BLTP2: variants seen among roughly 807,000 people sequenced by gnomAD.
BLTP2 encodes the protein U937-associated antigen.
the BLTP2 span, chr17:28,633,197 T>C: frequency 1.9e-5 from 30 of 1,595,952 alleles, no homozygotes; most frequent in Non-Finnish European, 2.5e-5. Context: ...CTCAGTGCCC[T>C]GGTCACTCAC....
At chr17:28,638,394 T>C in the BLTP2 span, 1 of 1,614,142 alleles carries the variant, frequency 6.2e-7, no homozygotes, top group South Asian at 1.1e-5. Context: ...ATGGATGCTT[T>C]GTGGCCTGAG....
chr17:28,616,860 C>G, the BLTP2 span: 1 of 1,603,648 alleles, frequency 6.2e-7, no homozygotes, highest in Non-Finnish European at 8.5e-7. This position sits in a 1 kb window ranked among gnomAD's most constrained non-coding sequence, Gnocchi z 4.8. Flanking sequence ...GTCCCTTGTT[C>G]CCAGGTCCCT....
the BLTP2 span, among the ~76,000 whole-genome samples, chr17:28,618,147 G>A: frequency 6.6e-6 from 1 of 152,076 alleles, no homozygotes; most frequent in South Asian, 2.1e-4. Context: ...TAGCCAGGCT[G>A]GTCTTCAGCT....
At chr17:28,635,344 T>C in the BLTP2 span, 8 of 1,614,106 alleles carry the variant, frequency 5.0e-6, no homozygotes, top group Admixed American at 1.7e-5. Context: ...GGTAATGAAC[T>C]TGTCCTCAGC....
the BLTP2 span, chr17:28,635,437 CCTT>C: frequency 7.4e-6 from 12 of 1,613,998 alleles, no homozygotes; most frequent in Non-Finnish European, 9.3e-6. Context: ...AGGGGCACGG[CCTT>C]CTAGCTCAGA....
chr17:28,636,833 G>GT, the BLTP2 span: 1 of 738,204 alleles, frequency 1.4e-6, no homozygotes, highest in Non-Finnish European at 2.2e-6. Context: ...GAGCCCAGTA[G>GT]TTTAAGACCA....
At chr17:28,635,301 A>T in the BLTP2 span, 2 of 1,614,184 alleles carry the variant, frequency 1.2e-6, no homozygotes, top group South Asian at 2.2e-5. Flanking sequence ...GGGAACCTCC[A>T]TGCCGGCTCA....
chr17:28,626,411 G>A, the BLTP2 span, among the ~76,000 whole-genome samples: 1 of 152,090 alleles, frequency 6.6e-6, no homozygotes, highest in African/African-American at 2.4e-5. Flanking sequence ...CTGCTTCCTG[G>A]CATATAAAAT....
chr17:28,614,588 G>A, the BLTP2 span: 1 of 163,482 alleles, frequency 6.1e-6, no homozygotes, highest in East Asian at 1.8e-4. Context: ...AGAGACTGGG[G>A]AGGGGTTGAC....
the BLTP2 span, chr17:28,642,094 G>A: frequency 6.0e-5 from 97 of 1,609,832 alleles, no homozygotes; most frequent in Non-Finnish European, 8.2e-5. Flanking sequence ...GGGATGATAA[G>A]CCTCTAAGGT....
chr17:28,638,170 T>C, the BLTP2 span: 12 of 1,596,754 alleles, frequency 7.5e-6, no homozygotes, highest in Non-Finnish European at 9.4e-6. Context: ...CACTTCCTGC[T>C]GCATTAGGAT....
At chr17:28,639,389 G>T in the BLTP2 span, 1 of 1,613,856 alleles carries the variant, frequency 6.2e-7, no homozygotes, top group Non-Finnish European at 8.5e-7. Context: ...GCCAGTGAGA[G>T]AATTCCTGGT....
chr17:28,640,691 T>C, the BLTP2 span: 2 of 1,613,556 alleles, frequency 1.2e-6, no homozygotes, highest in Non-Finnish European at 1.7e-6. Flanking sequence ...CCTCTGAAAA[T>C]ATGAATGAAT....
the BLTP2 span, among the ~76,000 whole-genome samples, chr17:28,640,929 C>T: frequency 1.1e-3 from 169 of 152,302 alleles, no homozygotes; most frequent in Non-Finnish European, 2.0e-3. Flanking sequence ...GACCTTAGGG[C>T]CAAATAATTT....
At chr17:28,617,486 TG>T in the BLTP2 span, 1 of 561,946 alleles carries the variant, frequency 1.8e-6, no homozygotes, top group Non-Finnish European at 3.2e-6. Context: ...GTGTGTCTCA[TG>T]GGCACTATTG....
chr17:28,637,682 A>AT, the BLTP2 span, among the ~76,000 whole-genome samples: 2 of 152,088 alleles, frequency 1.3e-5, no homozygotes, highest in African/African-American at 4.8e-5. Flanking sequence ...ATTTTATTTT[A>AT]TTTTTTGGAG....
At chr17:28,639,811 G>C in the BLTP2 span, 8 of 1,526,496 alleles carry the variant, frequency 5.2e-6, no homozygotes, top group Non-Finnish European at 7.3e-6. Context: ...GTTACACTGA[G>C]ATTAGATTAA....
chr17:28,632,306 C>A, the BLTP2 span: 2 of 1,425,642 alleles, frequency 1.4e-6, no homozygotes, highest in South Asian at 1.3e-5. Context: ...AAATCCTTCC[C>A]TTGCTGCAGG....
the BLTP2 span, among the ~76,000 whole-genome samples, chr17:28,627,384 C>T: frequency 6.6e-6 from 1 of 152,040 alleles, no homozygotes; most frequent in Non-Finnish European, 1.5e-5. Flanking sequence ...GGTATTCCCC[C>T]CTTCACTCCT....
Sources: gnomAD v4.1 joint callset for allele counts (sites outside exome capture counted in the v4.1 genomes callset) on GRCh38, gnomAD v4.1.1 for gene constraint, Gnocchi (gnomAD v3.1) non-coding constraint, MANE v1.5 for transcripts, NCBI Gene and HGNC (gene_info 2026-07-23, HGNC 2026-07-21) for gene names.